Variants in JMJD1C observed in about 807,000 individuals in gnomAD.
JMJD1C encodes the protein jumonji domain containing 1C, also known as jumonji domain-containing protein 1C.
Under a neutral mutation model 245.3 loss-of-function variants are expected in JMJD1C, and 31 were observed. The observed-to-expected ratio is 0.13, with a 90% CI of 0.09 to 0.17. JMJD1C has a LOEUF of 0.17. JMJD1C is among the 10% of genes least tolerant of loss of function. The pLI, the probability that JMJD1C is intolerant of heterozygous loss-of-function variation, is 1.00. For synonymous variants in JMJD1C, 1,057 were observed against 1,017.4 expected, an observed-to-expected ratio of 1.04 and a Z score of -0.74; for missense variants, 2,691 against 3,000.2, an observed-to-expected ratio of 0.90 and a Z score of 2.41.
In JMJD1C at chr10:63,207,743, G is replaced by T; in HGVS notation, c.3926C>A (p.Pro1309Gln). The change falls in exon 10 of 26, where the codon CCA (proline) becomes CAA (glutamine). Residue 1309 changes from proline to glutamine, a missense_variant. Coordinates refer to ENST00000399262, the MANE Select transcript of JMJD1C (RefSeq NM_032776.3). ...QAAMASVIVR[P>Q]SSSTKTDSMP... ...ACTATCAGTTTTTGTACTAGAAGAT[G>T]GACGCACAATGACAGATGCCATAGC... 6.2e-7 allele frequency: 1 copy of T among 1,614,166 alleles called. No individual in the cohort carries two copies. Among genetic ancestry groups the T allele is most frequent in the South Asian group, 1.1e-5 (1 of 91,074 alleles).
chr10:63,304,255 T>C (rs1304518420), intron 2 of JMJD1C, among the ~76,000 whole-genome samples: 2 of 152,186 alleles, frequency 1.3e-5, no homozygotes, highest in Non-Finnish European at 2.9e-5. Flanking sequence ...TTAGCCATTA[T>C]CAGAAATGCA....
At chr10:63,414,551 A>G (rs979995947) in intron 1 of JMJD1C, among the ~76,000 whole-genome samples, 2 of 152,076 alleles carry the variant, frequency 1.3e-5, no homozygotes, top group Non-Finnish European at 2.9e-5. Flanking sequence ...CATACAAGAA[A>G]AATCGAGATG....
At chr10:63,329,544 A>G (rs1941915111) in intron 2 of JMJD1C, among the ~76,000 whole-genome samples, 1 of 152,114 alleles carries the variant, frequency 6.6e-6, no homozygotes, top group Admixed American at 6.6e-5. Flanking sequence ...AACACTAAAA[A>G]AAAAAAAGAA....
Position 63,190,939 on chromosome 10 carries a change from T to C in JMJD1C, c.6246A>G (p.Thr2082=), listed in dbSNP as rs1007600942. Residue 2082 remains threonine (T), a synonymous_variant, in exon 17 of 26, where the codon ACA becomes ACG. Coordinates refer to ENST00000399262, the MANE Select transcript of JMJD1C (RefSeq NM_032776.3). ...TTAGKLRVGS[T]DAGIAFAPVY... is the part of the protein sequence containing the mutation. ...CTGGGGCAAAGGCAATGCCAGCATCTGTAGACCCCACACGTAGCTTTCCAG... is the reference window on the plus strand; with the variant it reads ...CTGGGGCAAAGGCAATGCCAGCATCCGTAGACCCCACACGTAGCTTTCCAG... 3 of 1,614,098 alleles carry C rather than the reference T, an allele frequency of 1.9e-6. No homozygotes were observed. The highest frequency in any genetic ancestry group is 2.5e-6 in the Non-Finnish European group (3 of 1,179,934).
chr10:63,456,947 A>C (rs1952452109), intron 1 of JMJD1C, among the ~76,000 whole-genome samples: 1 of 152,150 alleles, frequency 6.6e-6, no homozygotes, highest in Non-Finnish European at 1.5e-5. Flanking sequence ...AAACTTCTCA[A>C]AATACTACTA....
At chr10:63,434,859 T>G (rs1231768498) in intron 1 of JMJD1C, among the ~76,000 whole-genome samples, 1 of 152,224 alleles carries the variant, frequency 6.6e-6, no homozygotes, top group Non-Finnish European at 1.5e-5. Context: ...TTCCCAACAG[T>G]TGGAGTGATT....
chr10:63,213,688 C>G lies in JMJD1C; in HGVS notation c.2479G>C (p.Ala827Pro), dbSNP rs529645012. The G allele has an allele frequency of 6.2e-7, 1 of 1,614,182 alleles. No individual in the cohort carries two copies. The highest frequency in any genetic ancestry group is 1.1e-5 in the South Asian group (1 of 91,084). The part of the protein sequence containing the change: ...SAHASSLSHL[A>P]LAHQQQQQLL... The stretch of plus-strand genomic sequence containing the variant: ...TGTTGTTGTTGCTGGTGTGCTAGCG[C>G]TAAGTGGCTCAAGCTGCTGGCATGA... The change falls in exon 8 of 26, where the codon GCG becomes CCG. Residue 827 changes from alanine to proline, a missense_variant. Ala to Pro is a conservative substitution (Grantham distance 27). Coordinates refer to ENST00000399262, the MANE Select transcript of JMJD1C (RefSeq NM_032776.3).
intron 2 of JMJD1C, among the ~76,000 whole-genome samples, chr10:63,349,766 T>C (rs764331165): frequency 2.6e-5 from 4 of 152,112 alleles, no homozygotes; most frequent in Non-Finnish European, 5.9e-5. Flanking sequence ...CACCTAGTAT[T>C]TTCCAGAAGC....
chr10:63,431,979 TC>T (rs1023066462), intron 1 of JMJD1C, among the ~76,000 whole-genome samples: 3 of 152,124 alleles, frequency 2.0e-5, no homozygotes, highest in Non-Finnish European at 4.4e-5. Flanking sequence ...GTCACTGCAC[TC>T]CAGCCTGGCG....
At chr10:63,292,144 A>ATTTTTTTTTT (rs573065816) in intron 2 of JMJD1C, among the ~76,000 whole-genome samples, 598 of 56,270 alleles carry the variant, frequency 0.011, 169 homozygotes, top group African/African-American at 0.037. Context: ...GTAGAGACAG[A>ATTTTTTTTTT]TTTTTTTTTT....
chr10:63,337,550 CAAGAAAAGAAAAGAAAAGAAAAGAA>C (rs200782668), intron 2 of JMJD1C, among the ~76,000 whole-genome samples: 2,608 of 54,994 alleles, frequency 0.047, 110 homozygotes, highest in Admixed American at 0.15. Context: ...GAGGAGAGGA[CAAGAAAAGAAAAGAAAAGAAAAGAA>C]AAGAAAAGAA....
Position 63,498,651 on chromosome 10 carries a change from G to A in JMJD1C, n.113+23087C>T, listed in dbSNP as rs145497922. 1.3e-4 allele frequency among the ~76,000 whole-genome samples: 19 copies of A among 151,892 alleles called. No individual in the cohort carries two copies. The East Asian group carries it at 3.5e-3, about 28-fold the overall frequency. ...AATGTAGTGCCAAATTATGAAACCT[G>A]AATAAAAACAGACTAAAAAGAGATA... On this transcript the variant is annotated intron_variant and non_coding_transcript_variant, in intron 1 of 3. Transcript: ENST00000633035.
At chr10:63,307,454 A>G (rs541497707) in intron 2 of JMJD1C, among the ~76,000 whole-genome samples, 1 of 152,240 alleles carries the variant, frequency 6.6e-6, no homozygotes, top group Non-Finnish European at 1.5e-5. Context: ...TACAAACTAC[A>G]TCAGGAGAAA....
chr10:63,369,279 T>C (rs1289232825), intron 2 of JMJD1C, among the ~76,000 whole-genome samples: 4 of 151,958 alleles, frequency 2.6e-5, no homozygotes, highest in African/African-American at 9.7e-5. Flanking sequence ...GCAGCTGGTA[T>C]TATGGAAGTG....
At chr10:63,521,214 C>G (rs1229838730) in intron 1 of JMJD1C, 3 of 152,104 alleles carry the variant, frequency 2.0e-5, no homozygotes, top group East Asian at 1.9e-4. Context: ...GCTAGGATCC[C>G]GCCAGCCCAG....
chr10:63,512,366 T>C (rs1360128549), intron 1 of JMJD1C, among the ~76,000 whole-genome samples: 2 of 152,172 alleles, frequency 1.3e-5, no homozygotes, highest in African/African-American at 4.8e-5. Flanking sequence ...CTTTTATACA[T>C]ATTTCTTACA....
At chr10:63,357,830 C>CACACACAT (rs1554900739) in intron 2 of JMJD1C, among the ~76,000 whole-genome samples, 4 of 21,560 alleles carry the variant, frequency 1.9e-4, no homozygotes, top group Non-Finnish European at 7.4e-4. Context: ...CAGACAGACA[C>CACACACAT]ACACACACAC....
chr10:63,334,432 T>A (rs1376312057), intron 2 of JMJD1C, among the ~76,000 whole-genome samples: 4 of 152,166 alleles, frequency 2.6e-5, no homozygotes. Context: ...TTTGGAGTTT[T>A]AAAAAATTAT....
chr10:63,313,564 G>A (rs972577492), intron 2 of JMJD1C, among the ~76,000 whole-genome samples: 3 of 152,168 alleles, frequency 2.0e-5, no homozygotes, highest in African/African-American at 7.2e-5. Flanking sequence ...CACCAGCGGT[G>A]TAAGAATGTT....
Sources: allele counts gnomAD v4.1 joint callset (sites outside exome capture counted in the v4.1 genomes callset), GRCh38; gene constraint gnomAD v4.1.1; transcripts MANE v1.5; gene names NCBI Gene and HGNC (gene_info 2026-07-23, HGNC 2026-07-21).